The following NALF1 variants were observed in gnomAD, a reference collection of about 807,000 sequenced individuals.
NALF1 encodes family with sequence similarity 155 member A.
In NALF1, 3 loss-of-function variants were observed where a neutral mutation model predicts 48.4. The ratio of observed to expected loss-of-function variants is 0.06; its 90% CI spans 0.03 to 0.16. NALF1 has a LOEUF of 0.16. Ranked by LOEUF, NALF1 falls within the 10% of genes least tolerant of loss-of-function variation. NALF1 has a pLI of 1.00. For missense variants in NALF1, 526 were observed against 571.5 expected, an observed-to-expected ratio of 0.92 and a Z score of 0.81; for synonymous variants, 262 against 245.7, an observed-to-expected ratio of 1.07 and a Z score of -0.62.
intron 1 of NALF1, among the ~76,000 whole-genome samples, chr13:107,720,259 C>A (rs1412267452): frequency 1.3e-5 from 2 of 152,110 alleles, no homozygotes; most frequent in African/African-American, 4.8e-5. Flanking sequence ...TGCCTGTAAT[C>A]CCAGCACTAT....
intron 1 of NALF1, among the ~76,000 whole-genome samples, chr13:107,228,243 A>ACAGGACTGACTGTAGTCTGT (rs1329123536): frequency 6.6e-6 from 1 of 152,216 alleles, no homozygotes; most frequent in African/African-American, 2.4e-5. Flanking sequence ...CTGTCATTCT[A>ACAGGACTGACTGTAGTCTGT]CTGACATAGT....
At chr13:107,771,489 C>CCATAT (rs1555324722) in intron 1 of NALF1, among the ~76,000 whole-genome samples, 11,243 of 147,302 alleles carry the variant, frequency 0.076, 485 homozygotes, top group African/African-American at 0.11. Context: ...ATATATGATA[C>CCATAT]AATATATAAA....
intron 1 of NALF1, among the ~76,000 whole-genome samples, chr13:107,259,685 T>C (rs1390696563): frequency 6.6e-6 from 1 of 152,186 alleles, no homozygotes; most frequent in East Asian, 1.9e-4. Flanking sequence ...TTTCAAATGG[T>C]TTCCAATGTT....
At chr13:107,185,437 C>A (rs759646207) in intron 2 of NALF1, among the ~76,000 whole-genome samples, 25 of 138,324 alleles carry the variant, frequency 1.8e-4, no homozygotes, top group Non-Finnish European at 3.4e-4. Flanking sequence ...TGACACCTCA[C>A]TTCCCCTGTG....
chr13:107,229,730 A>G (rs1342082151), intron 1 of NALF1, among the ~76,000 whole-genome samples: 2 of 152,156 alleles, frequency 1.3e-5, no homozygotes, highest in African/African-American at 4.8e-5. Flanking sequence ...TTAAGAACAC[A>G]TTTAAGTGCT....
intron 1 of NALF1, among the ~76,000 whole-genome samples, chr13:107,605,642 T>C (rs1467908926): frequency 6.6e-6 from 1 of 152,178 alleles, no homozygotes; most frequent in African/African-American, 2.4e-5. Context: ...CTTGGAAATT[T>C]CCATCTATGT....
At chr13:107,492,687 T>G (rs779740013) in intron 1 of NALF1, among the ~76,000 whole-genome samples, 14 of 152,194 alleles carry the variant, frequency 9.2e-5, no homozygotes, top group Non-Finnish European at 1.9e-4. Flanking sequence ...TAAATAGGAT[T>G]TTTTTAATAC....
chr13:107,521,594 A>C (rs1231096451), intron 1 of NALF1, among the ~76,000 whole-genome samples: 2 of 152,174 alleles, frequency 1.3e-5, no homozygotes, highest in East Asian at 3.8e-4. Context: ...TAATGGTTTT[A>C]GTAGCTTCAC....
chr13:107,448,624 A>C (rs1272583058), intron 1 of NALF1, among the ~76,000 whole-genome samples: 1 of 152,186 alleles, frequency 6.6e-6, no homozygotes, highest in African/African-American at 2.4e-5. Context: ...TGCATTACTG[A>C]TCATTCACTC....
At chr13:107,441,551 C>T (rs1230974383) in intron 1 of NALF1, among the ~76,000 whole-genome samples, 2 of 152,102 alleles carry the variant, frequency 1.3e-5, no homozygotes, top group African/African-American at 4.8e-5. Context: ...TGAATGGGAA[C>T]ATGATACTGC....
intron 1 of NALF1, among the ~76,000 whole-genome samples, chr13:107,734,394 T>G (rs1876402978): frequency 1.9e-5 from 1 of 52,420 alleles, no homozygotes; most frequent in South Asian, 5.1e-4. Context: ...TATGGGTATT[T>G]TTCCTTTAAA....
chr13:107,180,256 A>T (rs1382474121), intron 2 of NALF1, among the ~76,000 whole-genome samples: 1 of 152,090 alleles, frequency 6.6e-6, no homozygotes, highest in Non-Finnish European at 1.5e-5. Flanking sequence ...TTATTCAAGT[A>T]TAGGCATTAC....
chr13:107,539,620 TA>T (rs1876940998), intron 1 of NALF1, among the ~76,000 whole-genome samples: 1 of 152,130 alleles, frequency 6.6e-6, no homozygotes, highest in Non-Finnish European at 1.5e-5. Flanking sequence ...AGATGACTAT[TA>T]AAAAACAATA....
chr13:107,412,895 G>T (rs1227424660), intron 1 of NALF1, among the ~76,000 whole-genome samples: 1 of 152,144 alleles, frequency 6.6e-6, no homozygotes. Context: ...CCTTTTAATA[G>T]CAAAATAAAT....
At chr13:107,289,086 A>G (rs1282808131) in intron 1 of NALF1, among the ~76,000 whole-genome samples, 1 of 152,208 alleles carries the variant, frequency 6.6e-6, no homozygotes, top group Non-Finnish European at 1.5e-5. Flanking sequence ...TTTCAACTTT[A>G]TCCAATCCAC....
intron 1 of NALF1, among the ~76,000 whole-genome samples, chr13:107,409,623 C>T (rs1883955904): frequency 6.6e-6 from 1 of 152,130 alleles, no homozygotes; most frequent in Non-Finnish European, 1.5e-5. Context: ...GATTTGGGAA[C>T]TGAACCTACA....
intron 1 of NALF1, among the ~76,000 whole-genome samples, chr13:107,309,997 C>T (rs1190340398): frequency 6.6e-6 from 1 of 152,146 alleles, no homozygotes; most frequent in Admixed American, 6.5e-5. Context: ...TCAAACATCC[C>T]AGATGCCAAT....
intron 1 of NALF1, among the ~76,000 whole-genome samples, chr13:107,809,985 C>T (rs1217995490): frequency 6.6e-6 from 1 of 151,996 alleles, no homozygotes; most frequent in Non-Finnish European, 1.5e-5. Flanking sequence ...CTTCTTCTCT[C>T]CTATTTTACC....
intron 1 of NALF1, among the ~76,000 whole-genome samples, chr13:107,365,901 C>G (rs1883144184): frequency 6.6e-6 from 1 of 152,180 alleles, no homozygotes; most frequent in Admixed American, 6.5e-5. Flanking sequence ...ATGTCAAGCA[C>G]CTTGCTGTTT....
Sources: gnomAD v4.1 joint callset for allele counts (sites outside exome capture counted in the v4.1 genomes callset) on GRCh38, gnomAD v4.1.1 for gene constraint, MANE v1.5 for transcripts, NCBI Gene and HGNC (gene_info 2026-07-23, HGNC 2026-07-21) for gene names.